The following IGSF9 variants were observed in gnomAD, a reference collection of about 807,000 sequenced individuals.
IGSF9 encodes immunoglobulin superfamily member 9, also known as protein turtle homolog A.
A neutral mutation model predicts 121.7 loss-of-function variants in IGSF9; 87 were observed. That is an observed-to-expected ratio of 0.71 (90% CI 0.60 to 0.85). The LOEUF is 0.85. Among genes scored for constraint, IGSF9 ranks in the 40% least tolerant of loss-of-function variants. The pLI is 0.00. For synonymous variants in IGSF9, 640 were observed against 648.4 expected (o/e 0.99, Z 0.20); for missense variants, 1,462 against 1,565.3 (o/e 0.93, Z 1.11).
intron 1 of IGSF9, among the ~76,000 whole-genome samples, chr1:159,944,965 AC>A (rs1651534730): frequency 6.6e-6 from 1 of 152,000 alleles, no homozygotes; most frequent in Non-Finnish European, 1.5e-5. Context: ...ACTCTGAGTA[AC>A]TAGGCATCCC....
Position 159,932,500 on chromosome 1 carries a change from C to G in IGSF9, c.1245+12G>C, listed in dbSNP as rs573224972. On this transcript the variant is annotated intron_variant, in intron 10 of 20. Coordinates refer to ENST00000368094, the MANE Select transcript of IGSF9 (RefSeq NM_001135050.2). The surrounding 1 kb of genome is among the most constrained non-coding windows in gnomAD (Gnocchi z 4.1). ...ACTGTCACCACAGGCCCCCGCCCAC[C>G]CCCGGCCTAACCTTGAGCAGCACGC... 170 of 1,613,682 alleles carry G rather than the reference C, an allele frequency of 1.1e-4. 2 individuals carry two copies. The South Asian group carries it at 1.8e-3, about 17-fold the overall frequency.
At chr1:159,944,020 A>G (rs1406742209) in intron 1 of IGSF9, among the ~76,000 whole-genome samples, 1 of 152,124 alleles carries the variant, frequency 6.6e-6, no homozygotes, top group Non-Finnish European at 1.5e-5. Flanking sequence ...CTCATGGCCT[A>G]GGCTGCTCTC....
Position 159,936,438 on chromosome 1 carries a change from C to T in IGSF9, c.634G>A (p.Glu212Lys), listed in dbSNP as rs763238596. 2 of 1,613,988 alleles carry T rather than the reference C, an allele frequency of 1.2e-6. No homozygotes were observed. The highest frequency in any genetic ancestry group is 1.7e-5 in the Admixed American group (1 of 60,000). Residue 212 changes from glutamate (E) to lysine (K), a missense_variant, in exon 6 of 21, where the codon GAG (glutamate) becomes AAG (lysine). Transcript: ENST00000368094. Reference sequence around the variant, plus strand: ...TGGGTGGCGTGGGTGGCGCTGCCCTCAGTGCTGGAGGCTTGGCAGGTGTAG... The same window carrying T: ...TGGGTGGCGTGGGTGGCGCTGCCCTTAGTGCTGGAGGCTTGGCAGGTGTAG... The part of the protein sequence containing the change: ...GVYTCQASST[E>K]GSATHATQLL...
Position 159,936,507 on chromosome 1 carries a change from C to T in IGSF9, c.565G>A (p.Gly189Arg). 1.9e-6 allele frequency: 3 copies of T among 1,613,878 alleles called. No individual in the cohort carries two copies. The highest frequency in any genetic ancestry group is 2.5e-6 in the Non-Finnish European group (3 of 1,179,910). ...QGQGQVQVQN[G>R]TLRIRRVERG... is the part of the protein sequence containing the mutation. ...TCTACCCGGCGGATCCGCAGCGTCCCGTTCTGCACCTAGGGAAGGAGTGGG... is the reference window on the plus strand; with the variant it reads ...TCTACCCGGCGGATCCGCAGCGTCCTGTTCTGCACCTAGGGAAGGAGTGGG... The change falls in exon 6 of 21, where the codon GGG becomes AGG. Residue 189 changes from glycine (G) to arginine (R), a missense_variant. Around this residue, in one of 3 missense-constraint regions of IGSF9, gnomAD observed 558 missense variants for 599.4 expected, o/e 0.93. Coordinates refer to ENST00000368094, the MANE Select transcript of IGSF9 (RefSeq NM_001135050.2).
chr1:159,928,929 C>A lies in IGSF9; in HGVS notation c.2459G>T (p.Trp820Leu), dbSNP rs1321632053. 25 of 1,573,514 alleles carry A rather than the reference C, an allele frequency of 1.6e-5. No homozygotes were observed. Among genetic ancestry groups the A allele is most frequent in the Non-Finnish European group, 2.1e-5 (24 of 1,161,814 alleles). Residue 820 changes from tryptophan to leucine, a missense_variant, in exon 19 of 21, where the codon TGG (tryptophan) becomes TTG (leucine). Trp to Leu is a moderately conservative substitution (Grantham distance 61). Coordinates refer to ENST00000368094, the MANE Select transcript of IGSF9 (RefSeq NM_001135050.2). The stretch of plus-strand genomic sequence containing the variant: ...GCTGGGAGTTCCGGCAGGATCCCCC[C>A]AGAGCAGACTCTGGCGCAGGCTGGG... ...PVPSLRQSLL[W>L]GDPAGTPSPH...
chr1:159,931,156 C>G lies in IGSF9; in HGVS notation c.1619G>C (p.Ser540Thr), dbSNP rs766545430. 6 of 1,614,122 alleles carry G rather than the reference C, an allele frequency of 3.7e-6. No individual in the cohort carries two copies. The Admixed American group carries it at 8.3e-5, about 22-fold the overall frequency. ...GFDGGYLQRF[S>T]VWYTPLAKRP... ...CACTCACAGTGGGGTGTACCAGACACTGAATCTCTGCAGATAACCACCATC... is the reference window on the plus strand; with the variant it reads ...CACTCACAGTGGGGTGTACCAGACAGTGAATCTCTGCAGATAACCACCATC... The change falls in exon 13 of 21, where the codon AGT becomes ACT. Residue 540 changes from serine (S) to threonine (T), a missense_variant. Ser to Thr is a moderately conservative substitution (Grantham distance 58). This residue lies in a region of IGSF9 where 96 missense variants were observed against 150.7 expected (regional missense o/e 0.64). Coordinates refer to ENST00000368094, the MANE Select transcript of IGSF9 (RefSeq NM_001135050.2). This position sits in a 1 kb window ranked among gnomAD's most constrained non-coding sequence, Gnocchi z 4.8.
In IGSF9 at chr1:159,930,773, T is replaced by A. The variant is rs780373100; in HGVS notation, c.1732A>T (p.Thr578Ser). ...GCTAGCACGCTGAACTGGTACTGGG[T>A]GTGGGGCTGCAGCCCTGGCACTAGG... Reference protein sequence around the residue: ...HLLVPGLQPHTQYQFSVLAQN... With the variant: ...HLLVPGLQPHSQYQFSVLAQN... The change falls in exon 14 of 21, where the codon ACC becomes TCC. Residue 578 changes from threonine to serine, a missense_variant. Coordinates refer to ENST00000368094, the MANE Select transcript of IGSF9 (RefSeq NM_001135050.2). 93 of 1,613,968 alleles carry A rather than the reference T, an allele frequency of 5.8e-5. No individual in the cohort carries two copies. Among genetic ancestry groups the A allele is most frequent in the Admixed American group, 3.0e-4 (18 of 59,992 alleles).
Position 159,928,645 on chromosome 1 carries a change from T to C in IGSF9, c.2743A>G (p.Ser915Gly), listed in dbSNP as rs1428354590. The change falls in exon 19 of 21, where the codon AGT (serine) becomes GGT (glycine). Residue 915 changes from serine (S) to glycine (G), a missense_variant. This residue lies in a region of IGSF9 where 808 missense variants were observed against 815.2 expected (regional missense o/e 0.99). Coordinates refer to ENST00000368094, the MANE Select transcript of IGSF9 (RefSeq NM_001135050.2). The stretch of plus-strand genomic sequence containing the variant: ...AGGGGTCCAGGACCTGGCAAGGGAC[T>C]GGGTGGGGCTGCTGGAGGGGGTGCC... Reference protein sequence around the residue: ...PVAPPPAAPPSPLPGPGPLLQ... With the variant: ...PVAPPPAAPPGPLPGPGPLLQ... 6.8e-7 allele frequency: 1 copy of C among 1,480,436 alleles called. No homozygotes were observed. Among genetic ancestry groups the C allele is most frequent in the Non-Finnish European group, 9.0e-7 (1 of 1,113,994 alleles). 91.7% of individuals were successfully genotyped at this position (1,480,436 alleles called of 1,614,324 possible).
rs1398881694 is a variant in IGSF9 at position 159,934,529 on chromosome 1, A to T, written c.857T>A (p.Leu286Gln). 5.6e-6 allele frequency: 9 copies of T among 1,613,758 alleles called. No individual in the cohort carries two copies. Among genetic ancestry groups the T allele is most frequent in the Non-Finnish European group, 7.6e-6 (9 of 1,179,830 alleles). The change falls in exon 8 of 21, where the codon CTG (leucine) becomes CAG (glutamine). Residue 286 changes from leucine (L) to glutamine (Q), a missense_variant. Leu to Gln is a moderately radical substitution (Grantham distance 113, BLOSUM62 -2). This residue lies in a region of IGSF9 where 558 missense variants were observed against 599.4 expected (regional missense o/e 0.93). Transcript: ENST00000368094. ...ATCAGGCTGGGTGGCCAGCAGCCGC[A>T]GGCTCCCGTCCACCAGGATCCGCAC... ...PRVRILVDGS[L>Q]RLLATQPDDA...
chr1:159,943,180 C>A, intron 2 of IGSF9, 29 bp from the exon 3 acceptor site: 1 of 1,568,518 alleles, frequency 6.4e-7, no homozygotes, highest in East Asian at 2.3e-5. Context: ...GAGGGCACAA[C>A]GGGGGGCTAG....
chr1:159,938,016 C>T (rs1310050840), intron 3 of IGSF9, among the ~76,000 whole-genome samples, 178 bp from the exon 4 acceptor site: 2 of 152,170 alleles, frequency 1.3e-5, no homozygotes, highest in Non-Finnish European at 2.9e-5. Context: ...TCCCTCCATT[C>T]GGCCCCTCTG....
rs143853166 is a variant in IGSF9, at chr1:159,939,013, AGATTCCTC to A, written c.248-1183_248-1176del. ...CCTTATCAGGAACCTGGCATCTCCT[AGATTCCTC>A]GATTACCTCCCATATCTACTTGCTC... On this transcript the variant is annotated intron_variant, in intron 3 of 20. Transcript: ENST00000368094. Among the ~76,000 whole-genome samples the A allele has an allele frequency of 6.2e-4, 94 of 152,258 alleles. 1 individual carries two copies. The highest frequency in any genetic ancestry group is 6.8e-3 in the Middle Eastern group (2 of 294).
intron 2 of IGSF9, 43 bp downstream of exon 2, chr1:159,943,354 C>T (rs2101884969): frequency 1.3e-6 from 2 of 1,509,558 alleles, no homozygotes; most frequent in East Asian, 2.4e-5. Flanking sequence ...CATACCCACC[C>T]CAAGGCTAAC....
intron 3 of IGSF9, among the ~76,000 whole-genome samples, chr1:159,942,743 A>AGT (rs59358917): frequency 0.01 from 1,505 of 150,392 alleles, 25 homozygotes; most frequent in East Asian, 0.056. Flanking sequence ...TAAGAGTGTG[A>AGT]GTGTGTGTGT....
In IGSF9 at chr1:159,932,641, C is replaced by A. The variant is rs757336995; in HGVS notation, c.1116G>T (p.Trp372Cys). Residue 372 changes from tryptophan (W) to cysteine (C), a missense_variant, in exon 10 of 21, where the codon TGG becomes TGT. Around this residue, in one of 3 missense-constraint regions of IGSF9, gnomAD observed 558 missense variants for 599.4 expected, o/e 0.93. Coordinates refer to ENST00000368094, the MANE Select transcript of IGSF9 (RefSeq NM_001135050.2). The surrounding 1 kb of genome is among the most constrained non-coding windows in gnomAD (Gnocchi z 4.1). ...KALQLDKFPG[W>C]SQGTEGSLII... ...TCAGTGAGCCTTCTGTGCCCTGGGA[C>A]CAGCCAGGGAACTGGAAGGAAGAGA... The A allele has an allele frequency of 4.3e-6, 7 of 1,611,844 alleles. No homozygotes were observed. The South Asian group carries it at 7.7e-5, about 18-fold the overall frequency.
chr1:159,930,785 G>A lies in IGSF9; in HGVS notation c.1720C>T (p.Leu574=). The part of the protein sequence containing the change: ...VGAAHLLVPG[L]QPHTQYQFSV... ...AACTGGTACTGGGTGTGGGGCTGCA[G>A]CCCTGGCACTAGGAGGTGAGCAGCC... Residue 574 remains leucine, a synonymous_variant, in exon 14 of 21, where the codon CTG becomes TTG. Transcript: ENST00000368094. The A allele has an allele frequency of 6.2e-7, 1 of 1,614,090 alleles. No individual in the cohort carries two copies. Among genetic ancestry groups the A allele is most frequent in the Non-Finnish European group, 8.5e-7 (1 of 1,179,954 alleles).
rs532766563 is a variant in IGSF9, at chr1:159,932,548, G to A, written c.1209C>T (p.Thr403=). The A allele has an allele frequency of 2.2e-5, 35 of 1,614,030 alleles. 1 individual carries two copies. The East Asian group carries it at 5.8e-4, about 27-fold the overall frequency. ...CGCGGGTCACAGGAGAGGGCCCGGC[G>A]GTACCAAGACTGTTGTAGGGGGTGC... ...YSCTPYNSLG[T]AGPSPVTRVL... Residue 403 remains threonine (T), a synonymous_variant, in exon 10 of 21, where the codon ACC becomes ACT. Transcript: ENST00000368094. This position sits in a 1 kb window ranked among gnomAD's most constrained non-coding sequence, Gnocchi z 4.1.
rs572187312 is a variant in IGSF9, at chr1:159,944,668, CAGAG to C, written c.-175+901_-175+904del. Among the ~76,000 whole-genome samples the C allele has an allele frequency of 2.4e-4, 37 of 152,296 alleles. No individual in the cohort carries two copies. The East Asian group carries it at 6.4e-3, about 26-fold the overall frequency. ...AGCCCCACAGATCCTAGGGCAGTCT[CAGAG>C]AGCCAGAGGGTCCATGCCAGGGCCT... is the stretch of plus-strand genomic sequence containing the variant. On this transcript the variant is annotated intron_variant, in intron 1 of 20. Coordinates refer to ENST00000368094, the MANE Select transcript of IGSF9 (RefSeq NM_001135050.2).
In IGSF9 at chr1:159,930,360, C is replaced by T. The variant is rs1455513210; in HGVS notation, c.1893G>A (p.Val631=). 3.1e-6 allele frequency: 5 copies of T among 1,602,176 alleles called. No individual in the cohort carries two copies. Among genetic ancestry groups the T allele is most frequent in the African/African-American group, 1.3e-5 (1 of 74,568 alleles). ...GTACCCCCCGGGGTGTCCTCACTGC[C>T]ACCAGACCCCGCGGAGGGGACAGGG... The part of the protein sequence containing the change: ...PPPLSPPRGL[V]AVRTPRGVLL... Residue 631 remains valine, a synonymous_variant, in exon 15 of 21, where the codon GTG becomes GTA. Coordinates refer to ENST00000368094, the MANE Select transcript of IGSF9 (RefSeq NM_001135050.2).
Sources: gnomAD v4.1 joint callset for allele counts (sites outside exome capture counted in the v4.1 genomes callset) on GRCh38, gnomAD v4.1.1 for gene constraint, gnomAD v4.1.1 regional missense constraint, Gnocchi (gnomAD v3.1) non-coding constraint, MANE v1.5 for transcripts, NCBI Gene and HGNC (gene_info 2026-07-23, HGNC 2026-07-21) for gene names.